CCSER1: variants seen among roughly 807,000 people sequenced by gnomAD.
The protein encoded by CCSER1 is coiled-coil serine rich protein 1, also known as serine-rich coiled-coil domain-containing protein 1.
In CCSER1, 41 loss-of-function variants were observed where a neutral mutation model predicts 82.0. The observed-to-expected ratio is 0.50, with a 90% CI of 0.39 to 0.65. CCSER1 has a LOEUF of 0.65. Among genes scored for constraint, CCSER1 ranks in the 30% least tolerant of loss-of-function variants. CCSER1 has a pLI of 0.00. For missense variants in CCSER1, 1,119 were observed against 1,064.2 expected (o/e 1.05, Z -0.72); for synonymous variants, 414 against 383.9 (o/e 1.08, Z -0.92).
intron 10 of CCSER1, among the ~76,000 whole-genome samples, chr4:91,441,315 T>C (rs1755120205): frequency 6.6e-6 from 1 of 152,134 alleles, no homozygotes; most frequent in African/African-American, 2.4e-5. Flanking sequence ...GCTGGTTCAA[T>C]ATACACAAAA....
intron 1 of CCSER1, among the ~76,000 whole-genome samples, chr4:90,169,771 T>G (rs555067884): frequency 2.0e-5 from 3 of 151,950 alleles, no homozygotes; most frequent in African/African-American, 7.2e-5. Flanking sequence ...TAGTTAGCCT[T>G]TGTCTACATT....
intron 5 of CCSER1, among the ~76,000 whole-genome samples, chr4:90,522,602 A>G (rs1302187349): frequency 6.6e-6 from 1 of 152,136 alleles, no homozygotes; most frequent in Non-Finnish European, 1.5e-5. Flanking sequence ...CTACATGGCC[A>G]GTAAACTCTA....
chr4:90,436,965 C>G (rs988898449), intron 4 of CCSER1, among the ~76,000 whole-genome samples: 14 of 151,902 alleles, frequency 9.2e-5, no homozygotes, highest in African/African-American at 3.4e-4. Flanking sequence ...CGAGTGCTGG[C>G]ACCCGCCACC....
At chr4:91,257,524 CAT>C (rs1740790606) in intron 10 of CCSER1, among the ~76,000 whole-genome samples, 1 of 146,424 alleles carries the variant, frequency 6.8e-6, no homozygotes, top group Non-Finnish European at 1.5e-5. Context: ...TATCTAGAAA[CAT>C]ATCCTAATGT....
At chr4:90,132,653 A>G (rs1370124688) in intron 1 of CCSER1, among the ~76,000 whole-genome samples, 1 of 152,172 alleles carries the variant, frequency 6.6e-6, no homozygotes. Context: ...TTTGTTGGAA[A>G]TATTTACTGA....
intron 1 of CCSER1, among the ~76,000 whole-genome samples, chr4:90,246,173 T>A (rs1721364047): frequency 6.6e-6 from 1 of 152,128 alleles, no homozygotes; most frequent in South Asian, 2.1e-4. Flanking sequence ...ACCATTTTGA[T>A]TTTTAGCAAC....
chr4:91,437,496 G>C (rs1429214064), intron 10 of CCSER1, among the ~76,000 whole-genome samples: 2 of 152,174 alleles, frequency 1.3e-5, no homozygotes, highest in Admixed American at 6.5e-5. Context: ...TAATATGAGG[G>C]CAGCCAAGAT....
rs2015752112 is a variant in CCSER1, at chr4:91,599,171, T to C, written c.*114T>C. 1.5e-6 allele frequency: 2 copies of C among 1,300,682 alleles called. No individual in the cohort carries two copies. The highest frequency in any genetic ancestry group is 3.0e-5 in the African/African-American group (2 of 66,972). 80.6% of individuals were successfully genotyped at this position (1,300,682 alleles called of 1,614,324 possible). ...TCTTACATTTTAGTTATAAACAGAG[T>C]TGTGTTGTTGGGTTTTTTTTCTTAG... On this transcript the variant is annotated 3_prime_UTR_variant, in exon 11 of 11. Transcript: ENST00000509176.
At chr4:90,859,139 G>A (rs1239548164) in intron 8 of CCSER1, among the ~76,000 whole-genome samples, 1 of 151,818 alleles carries the variant, frequency 6.6e-6, no homozygotes, top group Non-Finnish European at 1.5e-5. Context: ...CACAGAAACT[G>A]ATCCCATTCT....
chr4:91,172,332 TAA>T (rs1732848220), intron 10 of CCSER1, among the ~76,000 whole-genome samples: 1 of 152,158 alleles, frequency 6.6e-6, no homozygotes. Flanking sequence ...AGCTTAATAA[TAA>T]AACTGTGTCT....
chr4:90,447,173 A>G (rs1210712500), intron 4 of CCSER1, among the ~76,000 whole-genome samples: 1 of 152,136 alleles, frequency 6.6e-6, no homozygotes, highest in African/African-American at 2.4e-5. Flanking sequence ...TTTGTTTTCA[A>G]CAGAAAGACT....
At chr4:90,783,396 A>G (rs1754071423) in intron 7 of CCSER1, among the ~76,000 whole-genome samples, 1 of 152,168 alleles carries the variant, frequency 6.6e-6, no homozygotes, top group Non-Finnish European at 1.5e-5. Context: ...CTGAAACCAT[A>G]AACTGGTAGG....
chr4:91,335,558 G>A (rs2149281281), intron 10 of CCSER1, among the ~76,000 whole-genome samples: 1 of 152,178 alleles, frequency 6.6e-6, no homozygotes, highest in East Asian at 1.9e-4. Flanking sequence ...TTTCTCACGG[G>A]GAGTGCAGAG....
chr4:91,224,293 A>G (rs1395337767), intron 10 of CCSER1, among the ~76,000 whole-genome samples: 3 of 152,118 alleles, frequency 2.0e-5, no homozygotes. Flanking sequence ...AGTATGCAGC[A>G]CTTTAACAAG....
At chr4:90,204,587 T>G (rs1387514928) in intron 1 of CCSER1, among the ~76,000 whole-genome samples, 1 of 152,244 alleles carries the variant, frequency 6.6e-6, no homozygotes, top group African/African-American at 2.4e-5. Flanking sequence ...GCTGTGTTGG[T>G]TACTGTAGCC....
intron 5 of CCSER1, among the ~76,000 whole-genome samples, chr4:90,499,650 A>G (rs1384933710): frequency 6.6e-6 from 1 of 152,106 alleles, no homozygotes; most frequent in African/African-American, 2.4e-5. Flanking sequence ...CTGTTGTTCA[A>G]CCCTGGTTCA....
intron 6 of CCSER1, among the ~76,000 whole-genome samples, chr4:90,655,251 T>C (rs142849918): frequency 6.6e-6 from 1 of 152,112 alleles, no homozygotes; most frequent in East Asian, 1.9e-4. Context: ...AGTTTTATAA[T>C]AGGATCCCTC....
At chr4:90,605,992 G>C (rs1784656375) in intron 5 of CCSER1, among the ~76,000 whole-genome samples, 1 of 152,022 alleles carries the variant, frequency 6.6e-6, no homozygotes, top group South Asian at 2.1e-4. Context: ...GTCTTAAAAA[G>C]AGGTACTATA....
chr4:90,758,494 A>G (rs1749906191), intron 7 of CCSER1, among the ~76,000 whole-genome samples: 1 of 152,240 alleles, frequency 6.6e-6, no homozygotes, highest in East Asian at 1.9e-4. Context: ...TTTCTTTGGG[A>G]AAAAAAGACA....
Sources: gnomAD v4.1 joint callset for allele counts (sites outside exome capture counted in the v4.1 genomes callset) on GRCh38, gnomAD v4.1.1 for gene constraint, MANE v1.5 for transcripts, NCBI Gene and HGNC (gene_info 2026-07-23, HGNC 2026-07-21) for gene names.